Variants in TUBAL3 observed in about 807,000 individuals in gnomAD.
TUBAL3 encodes the protein tubulin alpha chain-like 3.
Under a neutral mutation model 15.5 loss-of-function variants are expected in TUBAL3, and 16 were observed. The observed-to-expected ratio is 1.04, with a 90% CI of 0.70 to 1.57. The LOEUF (loss-of-function observed/expected upper bound fraction) is 1.57, where lower values mean the gene tolerates loss of function less well. Ranked by LOEUF, TUBAL3 falls within the 40% of genes most tolerant of loss-of-function variation. The pLI, the probability that TUBAL3 is intolerant of heterozygous loss-of-function variation, is 0.00. For missense variants in TUBAL3, 609 were observed against 576.2 expected, an observed-to-expected ratio of 1.06 and a Z score of -0.58; for synonymous variants, 238 against 224.3, an observed-to-expected ratio of 1.06 and a Z score of -0.55.
At position 5,395,507 on chromosome 10, in the gene TUBAL3, C is replaced by A; in HGVS notation, c.248-32G>T. On this transcript the variant is annotated intron_variant, in intron 2 of 3. Transcript: ENST00000380419. The surrounding 1 kb of genome is among the most constrained non-coding windows in gnomAD (Gnocchi z 4.6). ...AGGGTGAAAGGAGGTCAGTGCAACT[C>A]ACCCAGTGCAATTCAGCCGTCCACC... The A allele has an allele frequency of 7.0e-7, 1 of 1,419,614 alleles. No homozygotes were observed. Among genetic ancestry groups the A allele is most frequent in the Non-Finnish European group, 9.3e-7 (1 of 1,071,282 alleles). The allele number at this position is 1,419,614 out of a possible 1,614,324, so 87.9% of individuals were successfully genotyped here.
intron 1 of TUBAL3, among the ~76,000 whole-genome samples, chr10:5,404,132 G>A (rs1451968348): frequency 6.6e-6 from 1 of 152,168 alleles, no homozygotes; most frequent in Non-Finnish European, 1.5e-5. Context: ...TTTTTTAAAT[G>A]TTGGACAGAG....
chr10:5,393,975 C>G lies in TUBAL3; in HGVS notation c.883G>C (p.Val295Leu). Reference protein sequence around the residue: ...ADKAYHEQFSVSDITTACFES... With the variant: ...ADKAYHEQFSLSDITTACFES... ...AAGCAGGCAGTGGTGATGTCTGACA[C>G]AGAGAACTGCTCATGGTAGGCTTTG... Residue 295 changes from valine (V) to leucine (L), a missense_variant, in exon 4 of 4, where the codon GTG (valine) becomes CTG (leucine). Physicochemically the swap from Val to Leu is conservative, Grantham distance 32 (BLOSUM62 1). Coordinates refer to ENST00000380419, the MANE Select transcript of TUBAL3 (RefSeq NM_024803.3). 1.9e-6 allele frequency: 3 copies of G among 1,614,142 alleles called. No homozygotes were observed. Among genetic ancestry groups the G allele is most frequent in the Non-Finnish European group, 1.7e-6 (2 of 1,180,034 alleles).
intron 2 of TUBAL3, among the ~76,000 whole-genome samples, chr10:5,399,132 T>C (rs1813141189): frequency 6.6e-6 from 1 of 152,194 alleles, no homozygotes; most frequent in Non-Finnish European, 1.5e-5. Flanking sequence ...TTCCCCAAGA[T>C]TTATAAAGTT....
Position 5,400,887 on chromosome 10 carries a change from A to T in TUBAL3, c.204T>A (p.His68Gln). 6.2e-7 allele frequency: 1 copy of T among 1,614,236 alleles called. No individual in the cohort carries two copies. The highest frequency in any genetic ancestry group is 1.1e-5 in the South Asian group (1 of 91,092). Reference sequence around the variant, plus strand: ...AGTCCACGAAGAGTGCTCTAGGCACATGCTTCCCAGCTCTTGTCTCACAGA... The same window carrying T: ...AGTCCACGAAGAGTGCTCTAGGCACTTGCTTCCCAGCTCTTGTCTCACAGA... The part of the protein sequence containing the change: ...TFFCETRAGK[H>Q]VPRALFVDLE... The change falls in exon 2 of 4, where the codon CAT (histidine) becomes CAA (glutamine). Residue 68 changes from histidine (H) to glutamine (Q), a missense_variant. Transcript: ENST00000380419.
In TUBAL3 at chr10:5,397,599, C is replaced by T. The variant is rs1019130532; in HGVS notation, c.248-2124G>A. On this transcript the variant is annotated intron_variant, in intron 2 of 3. Transcript: ENST00000380419. This position sits in a 1 kb window ranked among gnomAD's most constrained non-coding sequence, Gnocchi z 4.9. The stretch of plus-strand genomic sequence containing the variant: ...GTTCATAAGTAATCCATGCCATCCA[C>T]TCTAACTTCCCGGGCACAGGTTGCT... 1.1e-4 allele frequency among the ~76,000 whole-genome samples: 16 copies of T among 152,186 alleles called. No homozygotes were observed. The highest frequency in any genetic ancestry group is 3.6e-4 in the African/African-American group (15 of 41,450).
chr10:5,399,992 C>T (rs111300101), intron 2 of TUBAL3, among the ~76,000 whole-genome samples: 5 of 152,298 alleles, frequency 3.3e-5, no homozygotes, highest in African/African-American at 1.2e-4. Flanking sequence ...CCCAAATCTA[C>T]CCCACTGTCT....
intron 2 of TUBAL3, among the ~76,000 whole-genome samples, chr10:5,398,693 G>A (rs1458714488): frequency 6.6e-6 from 1 of 152,166 alleles, no homozygotes; most frequent in Admixed American, 6.5e-5. Context: ...CGCAGCCCAG[G>A]ATGGCTTTGA....
chr10:5,398,761 T>C (rs1342349788), intron 2 of TUBAL3, among the ~76,000 whole-genome samples: 3 of 152,034 alleles, frequency 2.0e-5, no homozygotes, highest in African/African-American at 7.2e-5. Context: ...CGTTTTGCAA[T>C]ATTTTTTTTT....
At chr10:5,402,652 A>C (rs10904490) in intron 1 of TUBAL3, among the ~76,000 whole-genome samples, 114,113 of 152,142 alleles carry the variant, frequency 0.75, 43,065 homozygotes, top group East Asian at 0.82. Context: ...GGCTTTACAG[A>C]AGGAGGTGAG....
At chr10:5,403,239 G>C (rs1259592808) in intron 1 of TUBAL3, among the ~76,000 whole-genome samples, 1 of 152,146 alleles carries the variant, frequency 6.6e-6, no homozygotes, top group Non-Finnish European at 1.5e-5. Context: ...CCCCTTATCA[G>C]GCTTCAGATA....
Position 5,393,836 on chromosome 10 carries a change from GC to G in TUBAL3, c.1021del (p.Ala341ProfsTer11), listed in dbSNP as rs1831716168. The G allele has an allele frequency of 6.2e-7, 1 of 1,614,094 alleles. No individual in the cohort carries two copies. Among genetic ancestry groups the G allele is most frequent in the Non-Finnish European group, 8.5e-7 (1 of 1,180,050 alleles). ...VPKEVNAAIA[A>X]TKSRHSVQFV... ...CTGAACAGAGTGCCTCGACTTCGTG[GC>G]TGCGATTGCTGCATTCACTTCCTTG... On this transcript the variant is annotated frameshift_variant, in exon 4 of 4. Coordinates refer to ENST00000380419, the MANE Select transcript of TUBAL3 (RefSeq NM_024803.3). LOFTEE classifies it low-confidence loss of function (END_TRUNC).
intron 1 of TUBAL3, among the ~76,000 whole-genome samples, chr10:5,402,902 C>G (rs1831878420): frequency 6.6e-6 from 1 of 152,118 alleles, no homozygotes; most frequent in African/African-American, 2.4e-5. Context: ...GTTCCTGGTG[C>G]CAAAAAGTTG....
Position 5,401,044 on chromosome 10 carries a change from A to G in TUBAL3, c.47T>C (p.Ile16Thr), listed in dbSNP as rs142016255. 4.1e-4 allele frequency: 658 copies of G among 1,614,156 alleles called. 3 individuals carry two copies. Among genetic ancestry groups the G allele is most frequent in the Middle Eastern group, 1.2e-3 (7 of 6,062 alleles). ...SIHIGQAGIQ[I>T]GDACWELYCL... ...ATAGAGTTCCCAGCAGGCGTCCCCA[A>G]TCTGGATGCCAGCTTGACCGATGTG... Residue 16 changes from isoleucine to threonine, a missense_variant, in exon 2 of 4, where the codon ATT becomes ACT. Physicochemically the swap from Ile to Thr is moderately conservative, Grantham distance 89 (BLOSUM62 -1). Transcript: ENST00000380419.
rs372608934 is a variant in TUBAL3 at position 5,394,252 on chromosome 10, T to A, written c.606A>T (p.Thr202=). The change falls in exon 4 of 4, where the codon ACA becomes ACT. Residue 202 remains threonine, a synonymous_variant. Transcript: ENST00000380419. The surrounding 1 kb of genome is among the most constrained non-coding windows in gnomAD (Gnocchi z 4.3). Reference sequence around the variant, plus strand: ...CCATGAAGGTACAGTCCGTGTGCTCTGTGGTGGAGTGGGTGGTGAGGACAG... The same window carrying A: ...CCATGAAGGTACAGTCCGTGTGCTCAGTGGTGGAGTGGGTGGTGAGGACAG... ...YNSVLTTHST[T]EHTDCTFMVD... is the part of the protein sequence containing the mutation. The A allele has an allele frequency of 1.7e-5, 27 of 1,614,052 alleles. No individual in the cohort carries two copies. Among genetic ancestry groups the A allele is most frequent in the African/African-American group, 4.0e-5 (3 of 74,924 alleles).
intron 2 of TUBAL3, among the ~76,000 whole-genome samples, chr10:5,398,344 C>T (rs1186384347): frequency 6.7e-6 from 1 of 148,254 alleles, no homozygotes; most frequent in Non-Finnish European, 1.5e-5. Flanking sequence ...TGCTTGAACC[C>T]GGGAGGCACA....
In TUBAL3 at chr10:5,396,110, T is replaced by C. The variant is rs1831760035; in HGVS notation, c.248-635A>G. Among the ~76,000 whole-genome samples the C allele has an allele frequency of 6.6e-6, 1 of 152,190 alleles. No individual in the cohort carries two copies. Among genetic ancestry groups the C allele is most frequent in the Non-Finnish European group, 1.5e-5 (1 of 68,030 alleles). On this transcript the variant is annotated intron_variant, in intron 2 of 3. Transcript: ENST00000380419. The surrounding 1 kb of genome is among the most constrained non-coding windows in gnomAD (Gnocchi z 5.1). ...TTCTGGGATTGCAGATGGGTATGAA[T>C]TTGGGGGGACACACTTCAACCCACT...
At position 5,401,017 on chromosome 10, in the gene TUBAL3, C is replaced by T. The variant is rs201141984; in HGVS notation, c.74G>A (p.Cys25Tyr). Residue 25 changes from cysteine to tyrosine, a missense_variant, in exon 2 of 4, where the codon TGC (cysteine) becomes TAC (tyrosine). Transcript: ENST00000380419. ...ATTTGGCTGGATTCCATGTTCCAGG[C>T]AATAGAGTTCCCAGCAGGCGTCCCC... The part of the protein sequence containing the change: ...QIGDACWELY[C>Y]LEHGIQPNGV... The T allele has an allele frequency of 3.7e-6, 6 of 1,614,130 alleles. No individual in the cohort carries two copies. In the East Asian group the frequency reaches 1.3e-4, roughly 36 times the overall value.
intron 2 of TUBAL3, among the ~76,000 whole-genome samples, chr10:5,399,836 C>T (rs73616002): frequency 4.6e-5 from 7 of 152,296 alleles, no homozygotes; most frequent in African/African-American, 1.7e-4. Flanking sequence ...AAGCTGGTAC[C>T]ACATGGAGCA....
chr10:5,398,678 C>T (rs1215882594), intron 2 of TUBAL3, among the ~76,000 whole-genome samples: 3 of 152,208 alleles, frequency 2.0e-5, no homozygotes, highest in Non-Finnish European at 4.4e-5. Flanking sequence ...CAAGCTTGTC[C>T]ATCCCGCAGC....
Sources: gnomAD v4.1 joint callset for allele counts (sites outside exome capture counted in the v4.1 genomes callset) on GRCh38, gnomAD v4.1.1 for gene constraint, Gnocchi (gnomAD v3.1) non-coding constraint, MANE v1.5 for transcripts, NCBI Gene and HGNC (gene_info 2026-07-23, HGNC 2026-07-21) for gene names.